Variants in SPAG16 observed in about 807,000 individuals in gnomAD.
SPAG16 encodes the protein sperm associated antigen 16.
In SPAG16, 86 loss-of-function variants were observed where a neutral mutation model predicts 80.4. That is an observed-to-expected ratio of 1.07 (90% CI 0.90 to 1.28). The LOEUF (loss-of-function observed/expected upper bound fraction) is 1.28. Ranked by LOEUF, SPAG16 falls within the 50% of genes most tolerant of loss-of-function variation. SPAG16 has a pLI of 0.00. For synonymous variants in SPAG16, 294 were observed against 265.9 expected (o/e 1.11, Z -1.03); for missense variants, 870 against 765.3 (o/e 1.14, Z -1.61).
intron 10 of SPAG16, among the ~76,000 whole-genome samples, chr2:213,527,007 T>G (rs1323198372): frequency 6.6e-6 from 1 of 152,214 alleles, no homozygotes; most frequent in Non-Finnish European, 1.5e-5. Context: ...CTGTACAGTC[T>G]CACTATTCAG....
chr2:214,388,262 G>C (rs1027549768), intron 15 of SPAG16, among the ~76,000 whole-genome samples: 15 of 151,754 alleles, frequency 9.9e-5, no homozygotes, highest in Admixed American at 2.0e-4. Flanking sequence ...AAAATAGCAG[G>C]GTCCCTATTT....
intron 11 of SPAG16, among the ~76,000 whole-genome samples, chr2:213,916,559 CT>C (rs1485716252): frequency 6.6e-6 from 1 of 152,132 alleles, no homozygotes; most frequent in Admixed American, 6.5e-5. Context: ...ATGCCTCCAG[CT>C]TTGAAATTCC....
intron 10 of SPAG16, among the ~76,000 whole-genome samples, chr2:213,853,490 C>G (rs567847179): frequency 6.6e-6 from 1 of 152,052 alleles, no homozygotes. Flanking sequence ...ATGTAACATG[C>G]CTGGTATATT....
At chr2:214,132,766 G>C (rs920329366) in intron 14 of SPAG16, among the ~76,000 whole-genome samples, 1 of 152,118 alleles carries the variant, frequency 6.6e-6, no homozygotes, top group African/African-American at 2.4e-5. Flanking sequence ...GAAGGAGGCA[G>C]GTCAAATTTA....
At chr2:214,008,886 CAT>C (rs1397331371) in intron 12 of SPAG16, among the ~76,000 whole-genome samples, 1 of 152,122 alleles carries the variant, frequency 6.6e-6, no homozygotes, top group Non-Finnish European at 1.5e-5. Flanking sequence ...CCCTTTCAGG[CAT>C]AGTTTTATTC....
At chr2:214,177,993 ATATATATATATATATATATT>A (rs1559108348) in intron 15 of SPAG16, among the ~76,000 whole-genome samples, 6,927 of 81,288 alleles carry the variant, frequency 0.085, 409 homozygotes, top group Non-Finnish European at 0.16. Flanking sequence ...ATATATATAT[ATATATATATATATATATATT>A]CATACTTTAT....
At chr2:213,338,181 C>T (rs1461691944) in intron 5 of SPAG16, among the ~76,000 whole-genome samples, 4 of 152,146 alleles carry the variant, frequency 2.6e-5, no homozygotes, top group Non-Finnish European at 5.9e-5. Context: ...GAATTCATCA[C>T]CACCAGGCCT....
At chr2:213,341,485 T>A (rs1273663316) in intron 6 of SPAG16, among the ~76,000 whole-genome samples, 1 of 152,160 alleles carries the variant, frequency 6.6e-6, no homozygotes, top group Non-Finnish European at 1.5e-5. Flanking sequence ...TTTCTGTAAA[T>A]TTTTCAACTA....
At chr2:213,991,595 G>A (rs2046285528) in intron 12 of SPAG16, among the ~76,000 whole-genome samples, 1 of 152,278 alleles carries the variant, frequency 6.6e-6, no homozygotes, top group South Asian at 2.1e-4. Context: ...GTCCCACGCT[G>A]CATTTCTACC....
chr2:214,219,043 A>C (rs2058500142), intron 15 of SPAG16, among the ~76,000 whole-genome samples: 1 of 152,226 alleles, frequency 6.6e-6, no homozygotes, highest in Non-Finnish European at 1.5e-5. Flanking sequence ...TATTTAAAAA[A>C]TAACTCTACA....
At position 213,860,319 on chromosome 2, in the gene SPAG16, A is replaced by G. The variant is rs1401964509; in HGVS notation, c.1071-2166A>G. ...TATGCCTTGCTGAAATGTGTGTAGA[A>G]TTACCCACAAAAGTCATTTACAGAT... On this transcript the variant is annotated intron_variant, in intron 10 of 15. Coordinates refer to ENST00000331683, the MANE Select transcript of SPAG16 (RefSeq NM_024532.5). Among the ~76,000 whole-genome samples the G allele has an allele frequency of 2.7e-5, 4 of 149,838 alleles. No homozygotes were observed. In the Admixed American group the frequency reaches 2.7e-4, roughly 10 times the overall value.
chr2:214,392,799 A>G (rs1012800205), intron 15 of SPAG16, among the ~76,000 whole-genome samples: 1 of 152,116 alleles, frequency 6.6e-6, no homozygotes, highest in Non-Finnish European at 1.5e-5. Flanking sequence ...ATGTGTATGC[A>G]TATTTACAAT....
intron 8 of SPAG16, among the ~76,000 whole-genome samples, chr2:213,372,084 A>C (rs1246316768): frequency 6.6e-6 from 1 of 152,096 alleles, no homozygotes; most frequent in Non-Finnish European, 1.5e-5. Flanking sequence ...TTTACATGAC[A>C]CTATACAGAA....
intron 15 of SPAG16, among the ~76,000 whole-genome samples, chr2:214,189,351 A>G (rs1338757800): frequency 6.6e-6 from 1 of 152,002 alleles, no homozygotes. Context: ...AAATCACCAA[A>G]GCTATTAAAC....
chr2:213,368,392 T>C (rs2066438221), intron 8 of SPAG16, among the ~76,000 whole-genome samples: 1 of 152,186 alleles, frequency 6.6e-6, no homozygotes, highest in Non-Finnish European at 1.5e-5. Context: ...CTCTCAAAAA[T>C]TCGTTATTGA....
intron 10 of SPAG16, among the ~76,000 whole-genome samples, chr2:213,845,346 C>T (rs1219563878): frequency 2.0e-5 from 3 of 151,812 alleles, no homozygotes; most frequent in Non-Finnish European, 1.5e-5. Context: ...TGCAGGCATC[C>T]GCTACCACGC....
At chr2:214,403,687 T>C (rs1701840183) in intron 15 of SPAG16, among the ~76,000 whole-genome samples, 1 of 152,178 alleles carries the variant, frequency 6.6e-6, no homozygotes, top group Non-Finnish European at 1.5e-5. Flanking sequence ...AAATAATATG[T>C]ACTACAAATG....
In SPAG16 at chr2:213,350,378, C is replaced by T. The variant is rs73987999; in HGVS notation, c.645-150C>T. 9.4e-4 allele frequency: 431 copies of T among 460,598 alleles called. 2 individuals are homozygous for T. The highest frequency in any genetic ancestry group is 7.2e-3 in the African/African-American group (358 of 49,570). 28.5% of individuals were successfully genotyped at this position (460,598 alleles called of 1,614,324 possible). ...GCAGTGAAGTTGTATGCTTTTTGTG[C>T]TTCTTGGCTGTAGTGTGTTAACCTT... On this transcript the variant is annotated intron_variant, in intron 6 of 15. Coordinates refer to ENST00000331683, the MANE Select transcript of SPAG16 (RefSeq NM_024532.5).
intron 15 of SPAG16, among the ~76,000 whole-genome samples, chr2:214,155,076 G>C (rs1233764830): frequency 6.6e-6 from 1 of 152,142 alleles, no homozygotes; most frequent in Non-Finnish European, 1.5e-5. Context: ...AGAGCCAGTG[G>C]GTAGTCCAGG....
Sources: gnomAD v4.1 joint callset for allele counts (sites outside exome capture counted in the v4.1 genomes callset) on GRCh38, gnomAD v4.1.1 for gene constraint, MANE v1.5 for transcripts, NCBI Gene and HGNC (gene_info 2026-07-23, HGNC 2026-07-21) for gene names.